Variants in PDCD10 observed in about 807,000 individuals in gnomAD.
PDCD10 encodes programmed cell death 10, also known as programmed cell death protein 10.
A neutral mutation model predicts 29.2 loss-of-function variants in PDCD10; 4 were observed. The observed-to-expected ratio is 0.14, with a 90% confidence interval of 0.07 to 0.31. The LOEUF is 0.31. Among genes scored for constraint, PDCD10 ranks in the 10% least tolerant of loss-of-function variants. PDCD10 has a pLI of 1.00. For synonymous variants in PDCD10, 70 were observed against 82.2 expected, an observed-to-expected ratio of 0.85 and a Z score of 0.80; for missense variants, 183 against 257.9, an observed-to-expected ratio of 0.71 and a Z score of 1.99.
chr3:167,723,321 G>A (rs1723771676), intron 2 of PDCD10, among the ~76,000 whole-genome samples: 1 of 152,190 alleles, frequency 6.6e-6, no homozygotes, highest in African/African-American at 2.4e-5. Flanking sequence ...GCTGAGTGAG[G>A]TCTGAGGCCC....
chr3:167,707,681 A>G (rs1167530988), intron 3 of PDCD10, among the ~76,000 whole-genome samples: 1 of 150,764 alleles, frequency 6.6e-6, no homozygotes, highest in Non-Finnish European at 1.5e-5. Flanking sequence ...CTCCATCTCA[A>G]AAACAAAACA....
chr3:167,691,462 A>AT (rs1257036431), intron 6 of PDCD10, among the ~76,000 whole-genome samples: 3 of 152,238 alleles, frequency 2.0e-5, no homozygotes, highest in Admixed American at 1.3e-4. Context: ...GCCTCTGTCA[A>AT]TGACTATAGA....
At chr3:167,721,155 T>A (rs911464447) in intron 2 of PDCD10, among the ~76,000 whole-genome samples, 2 of 152,180 alleles carry the variant, frequency 1.3e-5, no homozygotes, top group Non-Finnish European at 2.9e-5. Context: ...CAAAAAGCCA[T>A]TTTTTGATTA....
chr3:167,712,044 G>C (rs1340778807), intron 3 of PDCD10, among the ~76,000 whole-genome samples: 2 of 151,998 alleles, frequency 1.3e-5, no homozygotes, highest in African/African-American at 4.8e-5. Context: ...AGGACATTCA[G>C]GAGCAATAAA....
rs1326187104 is a variant in PDCD10 at position 167,684,369 on chromosome 3, C to T, written c.578G>A (p.Ser193Asn). Residue 193 changes from serine to asparagine, a missense_variant, in exon 9 of 9, where the codon AGT (serine) becomes AAT (asparagine). Physicochemically the swap from Ser to Asn is conservative, Grantham distance 46 (BLOSUM62 1). Coordinates refer to ENST00000392750, the MANE Select transcript of PDCD10 (RefSeq NM_007217.4). ...GGTTTGATGAATTAGTCGGTTGGCA[C>T]TTACGAACACATTTATTGCCCTGTT... ...KDGKAINVFV[S>N]ANRLIHQTNL... The T allele has an allele frequency of 6.2e-7, 1 of 1,601,198 alleles. No homozygotes were observed. The highest frequency in any genetic ancestry group is 1.1e-5 in the South Asian group (1 of 90,812).
At chr3:167,725,049 G>C (rs149669994) in intron 2 of PDCD10, among the ~76,000 whole-genome samples, 3 of 152,198 alleles carry the variant, frequency 2.0e-5, no homozygotes, top group Non-Finnish European at 2.9e-5. Context: ...TTGAGGTCAG[G>C]AGTTCAAGAC....
At chr3:167,731,799 T>C (rs1724841485) in intron 2 of PDCD10, among the ~76,000 whole-genome samples, 1 of 152,162 alleles carries the variant, frequency 6.6e-6, no homozygotes, top group Non-Finnish European at 1.5e-5. Flanking sequence ...GTATGGTGAA[T>C]ACATGGCGGA....
intron 5 of PDCD10, among the ~76,000 whole-genome samples, chr3:167,696,340 C>T (rs1281614102): frequency 6.6e-6 from 1 of 152,124 alleles, no homozygotes; most frequent in Non-Finnish European, 1.5e-5. Context: ...AGCATTACAA[C>T]TCTACCAATT....
rs534144956 is a variant in PDCD10, at chr3:167,703,733, T to C, written c.150+1109A>G. Reference sequence around the variant, plus strand: ...GAATGCATTCAACATGTACAGTAAGTCTCTAGAGTAGGGCTGTACAACAGA... The same window carrying C: ...GAATGCATTCAACATGTACAGTAAGCCTCTAGAGTAGGGCTGTACAACAGA... On this transcript the variant is annotated intron_variant, in intron 4 of 8. Coordinates refer to ENST00000392750, the MANE Select transcript of PDCD10 (RefSeq NM_007217.4). Among the ~76,000 whole-genome samples the C allele has an allele frequency of 1.1e-4, 16 of 152,216 alleles. No homozygotes were observed. In the South Asian group the frequency reaches 1.2e-3, roughly 12 times the overall value.
At chr3:167,734,067 T>C (rs1316055988) in intron 2 of PDCD10, 147 bp downstream of exon 2, 1 of 152,178 alleles carries the variant, frequency 6.6e-6, no homozygotes, top group African/African-American at 2.4e-5. Flanking sequence ...CCAACGTCCC[T>C]ACTCTAAAGC....
intron 3 of PDCD10, among the ~76,000 whole-genome samples, chr3:167,719,474 C>T (rs1450109799): frequency 1.3e-5 from 2 of 152,030 alleles, no homozygotes; most frequent in African/African-American, 4.8e-5. Flanking sequence ...AAGAAAACCC[C>T]AAAATATATC....
At chr3:167,721,555 G>GCA (rs1180344408) in intron 2 of PDCD10, among the ~76,000 whole-genome samples, 2 of 152,180 alleles carry the variant, frequency 1.3e-5, no homozygotes, top group African/African-American at 4.8e-5. Context: ...AAGACTGAAA[G>GCA]ATACAATCAA....
chr3:167,725,761 GTTTATATATATATATATATA>G (rs1292541276), intron 2 of PDCD10, among the ~76,000 whole-genome samples: 2 of 54,720 alleles, frequency 3.7e-5, no homozygotes, highest in East Asian at 9.1e-4. Flanking sequence ...CCATTGTATC[GTTTATATATATATATATATA>G]TATATATATA....
chr3:167,697,475 T>G (rs568676100), intron 4 of PDCD10, among the ~76,000 whole-genome samples: 1 of 152,290 alleles, frequency 6.6e-6, no homozygotes, highest in Non-Finnish European at 1.5e-5. Context: ...TTAAATATCT[T>G]GAGAATTTAA....
intron 2 of PDCD10, among the ~76,000 whole-genome samples, chr3:167,729,303 G>GT (rs1460102928): frequency 1.3e-5 from 2 of 152,120 alleles, no homozygotes; most frequent in Non-Finnish European, 2.9e-5. Context: ...TTCCTAATAG[G>GT]TTTTTTAAAA....
Position 167,720,359 on chromosome 3 carries a change from G to A in PDCD10, c.-116-86C>T, listed in dbSNP as rs1323480189. ...ATAATTTTCCTTTCCAAATTACAGA[G>A]TTCCTATTTTATGAAAAGCTATTTT... On this transcript the variant is annotated intron_variant, in intron 2 of 8. Coordinates refer to ENST00000392750, the MANE Select transcript of PDCD10 (RefSeq NM_007217.4). The A allele has an allele frequency of 5.5e-6, 3 of 544,646 alleles. No individual in the cohort carries two copies. In the East Asian group the frequency reaches 9.2e-5, roughly 17 times the overall value. The allele number at this position is 544,646 out of a possible 1,614,324, so 33.7% of individuals were successfully genotyped here.
chr3:167,695,045 C>T (rs1720659166), intron 6 of PDCD10, among the ~76,000 whole-genome samples: 1 of 152,194 alleles, frequency 6.6e-6, no homozygotes, highest in Non-Finnish European at 1.5e-5. Context: ...TCACTGTACT[C>T]CAGAAGAGTG....
At chr3:167,733,841 G>T (rs750917014) in intron 2 of PDCD10, among the ~76,000 whole-genome samples, 8 of 152,082 alleles carry the variant, frequency 5.3e-5, no homozygotes, top group Non-Finnish European at 8.8e-5. Context: ...TGAACTGTGA[G>T]AGTAGAGTCT....
At chr3:167,726,240 T>C (rs1431017336) in intron 2 of PDCD10, among the ~76,000 whole-genome samples, 2 of 150,112 alleles carry the variant, frequency 1.3e-5, no homozygotes, top group South Asian at 2.1e-4. Context: ...ACTGGGATTA[T>C]AGGCACCTGC....
Sources: allele counts gnomAD v4.1 joint callset (sites outside exome capture counted in the v4.1 genomes callset), GRCh38; gene constraint gnomAD v4.1.1; transcripts MANE v1.5; gene names NCBI Gene and HGNC (gene_info 2026-07-23, HGNC 2026-07-21).